PSPH: variants seen among roughly 807,000 people sequenced by gnomAD.
The protein encoded by PSPH is L-3-phosphoserine phosphatase.
A neutral mutation model predicts 23.4 loss-of-function variants in PSPH; 16 were observed. The ratio of observed to expected loss-of-function variants is 0.68; its 90% confidence interval spans 0.46 to 1.04. PSPH has a LOEUF of 1.04. Among genes scored for constraint, PSPH ranks in the 50% least tolerant of loss-of-function variants. The pLI, the probability that PSPH is intolerant of heterozygous loss-of-function variation, is 0.00. For synonymous variants in PSPH, 68 were observed against 99.7 expected (o/e 0.68, Z 1.89); for missense variants, 223 against 273.7 (o/e 0.81, Z 1.31).
intron 1 of PSPH, among the ~76,000 whole-genome samples, chr7:56,043,779 G>C (rs1792874947): frequency 6.6e-6 from 1 of 151,738 alleles, no homozygotes; most frequent in South Asian, 2.1e-4. Flanking sequence ...AGTGAGCTGT[G>C]ATCATGCCAC....
Position 56,011,685 on chromosome 7 carries a change from C to T in PSPH, c.*77G>A, listed in dbSNP as rs1480594272. On this transcript the variant is annotated 3_prime_UTR_variant, in exon 8 of 8. Transcript: ENST00000275605. The stretch of plus-strand genomic sequence containing the variant: ...TTCTATAGCAAGTTGTAATAGGCAA[C>T]TGTAAGCAAACAGTATCAATCTGTA... 1.7e-6 allele frequency: 2 copies of T among 1,195,422 alleles called. No homozygotes were observed. Among genetic ancestry groups the T allele is most frequent in the East Asian group, 4.8e-5 (2 of 42,008 alleles). 74.1% of individuals were successfully genotyped at this position (1,195,422 alleles called of 1,614,324 possible). A position where few individuals can be genotyped will look rare whatever the true frequency, so the allele number is the denominator to read the frequency against.
rs762164953 is a variant in PSPH, at chr7:56,011,815, C to T, written c.625G>A (p.Ala209Thr). 5.4e-5 allele frequency: 87 copies of T among 1,613,392 alleles called. No homozygotes were observed. Among genetic ancestry groups the T allele is most frequent in the Non-Finnish European group, 6.5e-5 (77 of 1,179,582 alleles). ...ACAAAATCAGTGATATACCATTTGG[C>T]GTTATCCTTGACTTGTTGCCTGATC... Reference protein sequence around the residue: ...NVIRQQVKDNAKWYITDFVEL... With the variant: ...NVIRQQVKDNTKWYITDFVEL... The change falls in exon 8 of 8, where the codon GCC (alanine) becomes ACC (threonine). Residue 209 changes from alanine (A) to threonine (T), a missense_variant. By Grantham distance (58) the Ala-to-Thr change is moderately conservative. Transcript: ENST00000275605.
intron 1 of PSPH, among the ~76,000 whole-genome samples, chr7:56,037,420 C>CT (rs533011383): frequency 0.19 from 27,470 of 145,834 alleles, 2,647 homozygotes; most frequent in Admixed American, 0.25. Context: ...GTTTTCTTTC[C>CT]TTTTTTTTTT....
chr7:56,042,420 G>C (rs186655724), intron 1 of PSPH, among the ~76,000 whole-genome samples: 1 of 152,070 alleles, frequency 6.6e-6, no homozygotes, highest in Admixed American at 6.6e-5. Context: ...GGAGGCCAAA[G>C]CAGAAGGATT....
At chr7:56,021,051 A>C in intron 4 of PSPH, 22 bp downstream of exon 4, 2 of 1,603,518 alleles carry the variant, frequency 1.2e-6, no homozygotes, top group Non-Finnish European at 1.7e-6. Context: ...CATTTCATAA[A>C]GTGAATAAAT....
In PSPH at chr7:56,051,288, T is replaced by C. The variant is rs184427284; in HGVS notation, c.-442A>G. ...CTCCCATCGCACCAGTCCTGCAGCT[T>C]TCTAAAGGTATCCAGCACTTTCTAC... On this transcript the variant is annotated 5_prime_UTR_variant, in exon 1 of 8. Coordinates refer to ENST00000275605, the MANE Select transcript of PSPH (RefSeq NM_004577.4). 4.9e-3 allele frequency: 771 copies of C among 157,616 alleles called. 4 individuals carry two copies. The highest frequency in any genetic ancestry group is 0.018 in the African/African-American group (737 of 41,578). 9.8% of individuals were successfully genotyped at this position (157,616 alleles called of 1,614,324 possible).
chr7:56,018,358 CAA>C (rs57817279), intron 5 of PSPH, among the ~76,000 whole-genome samples: 18 of 149,856 alleles, frequency 1.2e-4, no homozygotes, highest in African/African-American at 3.7e-4. Context: ...ACAACAACAA[CAA>C]AAAAAAAACA....
intron 1 of PSPH, among the ~76,000 whole-genome samples, chr7:56,043,722 G>A (rs1792863054): frequency 6.9e-6 from 1 of 144,556 alleles, no homozygotes; most frequent in Non-Finnish European, 1.5e-5. Context: ...CACACCTGTT[G>A]GGAGGCTAAG....
At chr7:56,048,431 A>G (rs1793542209) in intron 1 of PSPH, among the ~76,000 whole-genome samples, 1 of 152,208 alleles carries the variant, frequency 6.6e-6, no homozygotes, top group Non-Finnish European at 1.5e-5. Context: ...ACTGAAGAAC[A>G]TGACAACTAA....
At chr7:56,046,466 A>C (rs538639150) in intron 1 of PSPH, among the ~76,000 whole-genome samples, 5 of 152,124 alleles carry the variant, frequency 3.3e-5, no homozygotes, top group African/African-American at 7.2e-5. Flanking sequence ...CCTGGCCTCA[A>C]AGGATCCTCC....
At chr7:56,020,045 C>T (rs989346357) in intron 4 of PSPH, among the ~76,000 whole-genome samples, 2 of 151,646 alleles carry the variant, frequency 1.3e-5, no homozygotes, top group South Asian at 4.2e-4. Flanking sequence ...GACAAAACCC[C>T]ATCTTTACTA....
intron 3 of PSPH, among the ~76,000 whole-genome samples, chr7:56,027,751 T>C (rs1486297924): frequency 7.0e-6 from 1 of 143,356 alleles, no homozygotes; most frequent in Non-Finnish European, 1.5e-5. Context: ...ACACTAGCAA[T>C]AGTTTCAATG....
At chr7:56,016,273 G>A (rs1348039773) in intron 6 of PSPH, among the ~76,000 whole-genome samples, 1 of 151,200 alleles carries the variant, frequency 6.6e-6, no homozygotes, top group Admixed American at 6.6e-5. Flanking sequence ...GTGTGGTGGT[G>A]GGCACCTGTA....
chr7:56,047,547 C>CATAGTTAATGAAGTGACATTAA lies in PSPH; in HGVS notation c.-292+3590_-292+3591insTTAATGTCACTTCATTAACTAT, dbSNP rs1793407573. ...AGTAGAGCAATCTGGCAAATATTAACCAAGTGAACAAAGTTAACATCACCA... is the reference window on the plus strand; with the variant it reads ...AGTAGAGCAATCTGGCAAATATTAACATAGTTAATGAAGTGACATTAACAAGTGAACAAAGTTAACATCACCA... On this transcript the variant is annotated intron_variant, in intron 1 of 7. Transcript: ENST00000275605. Among the ~76,000 whole-genome samples, 3 of 152,130 alleles carry CATAGTTAATGAAGTGACATTAA rather than the reference C, an allele frequency of 2.0e-5. No individual in the cohort carries two copies. The South Asian group carries it at 6.2e-4, about 32-fold the overall frequency.
At chr7:56,046,103 T>C (rs1793207609) in intron 1 of PSPH, among the ~76,000 whole-genome samples, 1 of 151,930 alleles carries the variant, frequency 6.6e-6, no homozygotes, top group African/African-American at 2.4e-5. Flanking sequence ...GGGAATCTAT[T>C]GCTTTTGTTG....
rs2116676853 is a variant in PSPH at position 56,021,185 on chromosome 7, G to C, written c.28C>G (p.Leu10Val). 1.2e-6 allele frequency: 2 copies of C among 1,614,190 alleles called. No individual in the cohort carries two copies. Among genetic ancestry groups the C allele is most frequent in the Non-Finnish European group, 1.7e-6 (2 of 1,179,996 alleles). Residue 10 changes from leucine to valine, a missense_variant, in exon 4 of 8, where the codon CTT (leucine) becomes GTT (valine). Transcript: ENST00000275605. Reference sequence around the variant, plus strand: ...CACACAGCATCTGCTGAGTAGAAAAGCTTCCTCAGCTCTGAGTGGGAGACC... The same window carrying C: ...CACACAGCATCTGCTGAGTAGAAAACCTTCCTCAGCTCTGAGTGGGAGACC... Reference protein sequence around the residue: MVSHSELRKLFYSADAVCFD... With the variant: MVSHSELRKVFYSADAVCFD...
intron 1 of PSPH, 116 bp downstream of exon 1, chr7:56,051,022 A>G (rs1435360978): frequency 6.6e-6 from 1 of 152,186 alleles, no homozygotes; most frequent in East Asian, 1.9e-4. Flanking sequence ...ACATAGTGAG[A>G]CCCTATGTTT....
rs541605944 is a variant in PSPH at position 56,049,801 on chromosome 7, C to T, written c.-292+1337G>A. ...TGTTGCCCAGGCTGGAGTGCAGTGA[C>T]ATGATCTCGGCTCACTGCAACCTCT... On this transcript the variant is annotated intron_variant, in intron 1 of 7. Transcript: ENST00000275605. Among the ~76,000 whole-genome samples, 9 of 152,012 alleles carry T rather than the reference C, an allele frequency of 5.9e-5. No individual in the cohort carries two copies. In the South Asian group the frequency reaches 1.9e-3, roughly 32 times the overall value.
intron 3 of PSPH, among the ~76,000 whole-genome samples, chr7:56,022,928 G>A (rs1789670018): frequency 2.0e-5 from 3 of 152,190 alleles, no homozygotes; most frequent in South Asian, 2.1e-4. Context: ...GCAGGATGGC[G>A]TGCACCTGTA....
Sources: gnomAD v4.1 joint callset for allele counts (sites outside exome capture counted in the v4.1 genomes callset) on GRCh38, gnomAD v4.1.1 for gene constraint, MANE v1.5 for transcripts, NCBI Gene and HGNC (gene_info 2026-07-23, HGNC 2026-07-21) for gene names.